Variants in MAP3K7CL observed in about 807,000 individuals in gnomAD.
MAP3K7CL encodes MAP3K7 C-terminal like.
A neutral mutation model predicts 18.6 loss-of-function variants in MAP3K7CL; 16 were observed. That is an observed-to-expected ratio of 0.86 (90% CI 0.58 to 1.31). MAP3K7CL has a LOEUF of 1.31. MAP3K7CL is among the 50% of genes most tolerant of loss of function. The probability of loss-of-function intolerance (pLI) is 0.00; values close to 1 mark genes in which losing one functional copy is unlikely to be tolerated. For synonymous variants in MAP3K7CL, 65 were observed against 66.8 expected (o/e 0.97, Z 0.13); for missense variants, 163 against 174.4 (o/e 0.93, Z 0.37).
At chr21:29,083,312 T>A (rs62222380), upstream of MAP3K7CL, among the ~76,000 whole-genome samples, 96,741 of 151,336 alleles carry the variant, frequency 0.64, 31,629 homozygotes, top group South Asian at 0.76. Context: ...CACATTCCCA[T>A]TTAGATAATT....
chr21:29,165,741 G>T (rs1218077280), intron 4 of MAP3K7CL, among the ~76,000 whole-genome samples: 2 of 151,920 alleles, frequency 1.3e-5, no homozygotes, highest in East Asian at 3.9e-4. Context: ...TGGGCTAATT[G>T]TTATATTTTT....
chr21:29,091,597 C>T lies in MAP3K7CL; in HGVS notation c.133+21C>T, dbSNP rs181650933. On this transcript the variant is annotated intron_variant, in intron 2 of 6. Transcript: ENST00000286791. ...CCCAGGTAATTGTCCCACCTCAGCC[C>T]CTCAAGTAACTGGGACCACAGGCGT... is the stretch of plus-strand genomic sequence containing the variant. 98 of 700,360 alleles carry T rather than the reference C, an allele frequency of 1.4e-4. No individual in the cohort carries two copies. In the African/African-American group the frequency reaches 1.4e-3, roughly 10 times the overall value. The allele number at this position is 700,360 out of a possible 1,614,324, so 43.4% of individuals were successfully genotyped here. A position where few individuals can be genotyped will look rare whatever the true frequency, so the allele number is the denominator to read the frequency against.
At chr21:29,132,804 C>A (rs556194463) in intron 1 of MAP3K7CL, among the ~76,000 whole-genome samples, 2 of 152,236 alleles carry the variant, frequency 1.3e-5, no homozygotes, top group Non-Finnish European at 2.9e-5. Flanking sequence ...GCCACCACAC[C>A]CAGCGACTTT....
At chr21:29,097,290 G>A (rs1318278067) in intron 4 of MAP3K7CL, among the ~76,000 whole-genome samples, 1 of 152,044 alleles carries the variant, frequency 6.6e-6, no homozygotes, top group African/African-American at 2.4e-5. Context: ...GGTAAGTTTA[G>A]TTTTGAAGAA....
At chr21:29,169,495 A>G (rs2087771912) in intron 4 of MAP3K7CL, among the ~76,000 whole-genome samples, 1 of 152,204 alleles carries the variant, frequency 6.6e-6, no homozygotes. Context: ...AGATCCACCA[A>G]CAATACAGTC....
At position 29,114,754 on chromosome 21, in the gene MAP3K7CL, T is replaced by C. The variant is rs1028182235; in HGVS notation, c.370+22173T>C. 2.6e-5 allele frequency among the ~76,000 whole-genome samples: 4 copies of C among 152,104 alleles called. No homozygotes were observed. In the East Asian group the frequency reaches 7.7e-4, roughly 29 times the overall value. ...CCTAAATGACGGCAAATAATAATAA[T>C]AATAAACTCTCAGAGACTGTAGGGT... On this transcript the variant is annotated intron_variant, in intron 4 of 6. Coordinates refer to the MAP3K7CL transcript ENST00000286791.
At chr21:29,151,930 T>A (rs756440586) in intron 3 of MAP3K7CL, among the ~76,000 whole-genome samples, 1 of 152,272 alleles carries the variant, frequency 6.6e-6, no homozygotes, top group African/African-American at 2.4e-5. Context: ...CTATTTCATC[T>A]TCATTGATCT....
intron 4 of MAP3K7CL, among the ~76,000 whole-genome samples, chr21:29,112,454 A>AT (rs200606372): frequency 6.6e-6 from 1 of 152,044 alleles, no homozygotes. Context: ...TTAACCTAGG[A>AT]TTTTTTAAAA....
chr21:29,091,607 C>G (rs1442851492), intron 2 of MAP3K7CL: 1 of 700,702 alleles, frequency 1.4e-6, no homozygotes, highest in Admixed American at 2.0e-5. Flanking sequence ...CCTCAAGTAA[C>G]TGGGACCACA....
chr21:29,154,439 A>G (rs941467523), intron 3 of MAP3K7CL, among the ~76,000 whole-genome samples: 1 of 151,814 alleles, frequency 6.6e-6, no homozygotes, highest in African/African-American at 2.4e-5. Flanking sequence ...ATCCCTCCTT[A>G]AAGTCCTCCT....
intron 2 of MAP3K7CL, among the ~76,000 whole-genome samples, chr21:29,139,118 T>A (rs1175388430): frequency 6.6e-6 from 1 of 152,216 alleles, no homozygotes; most frequent in African/African-American, 2.4e-5. Flanking sequence ...AATATCAGGA[T>A]GTTTTGTGTG....
At chr21:29,159,866 C>T (rs1409034409) in intron 3 of MAP3K7CL, 75 bp from the exon 4 acceptor site, 4 of 1,147,162 alleles carry the variant, frequency 3.5e-6, no homozygotes, top group Non-Finnish European at 5.1e-6. Flanking sequence ...GTTTAAAGAA[C>T]ATCAGCGAGC....
chr21:29,153,248 T>TC lies in MAP3K7CL; in HGVS notation c.132+3998_132+3999insC, dbSNP rs1555877366. ...TGAATATCTCTTTATAATGTTCATT[T>TC]GTGGGCCTTGGGCCTCTGTCCAGGA... On this transcript the variant is annotated intron_variant, in intron 3 of 4. Transcript: ENST00000399928. 2.0e-5 allele frequency among the ~76,000 whole-genome samples: 3 copies of TC among 152,360 alleles called. No individual in the cohort carries two copies. The East Asian group carries it at 5.8e-4, about 29-fold the overall frequency.
At chr21:29,163,843 A>G (rs984280745) in intron 4 of MAP3K7CL, among the ~76,000 whole-genome samples, 3 of 151,948 alleles carry the variant, frequency 2.0e-5, no homozygotes, top group Non-Finnish European at 2.9e-5. Flanking sequence ...CGACAGGTGC[A>G]TGCCAGCATG....
At chr21:29,139,895 CTTTTTTTTTTTTTT>C (rs5843369) in intron 2 of MAP3K7CL, among the ~76,000 whole-genome samples, 32 of 67,366 alleles carry the variant, frequency 4.8e-4, no homozygotes, top group African/African-American at 1.7e-3. Flanking sequence ...CCATCTCTGG[CTTTTTTTTTTTTTT>C]TTTTTTTTTT....
At chr21:29,111,677 A>T (rs984355413) in intron 4 of MAP3K7CL, among the ~76,000 whole-genome samples, 1 of 152,160 alleles carries the variant, frequency 6.6e-6, no homozygotes, top group African/African-American at 2.4e-5. Flanking sequence ...CCAAAGAATG[A>T]AGCCTAACTC....
chr21:29,112,993 A>AG (rs1161877128), intron 4 of MAP3K7CL, among the ~76,000 whole-genome samples: 1 of 152,166 alleles, frequency 6.6e-6, no homozygotes, highest in Non-Finnish European at 1.5e-5. Context: ...TACTTTTAGT[A>AG]GAGACGGGTT....
At chr21:29,125,734 A>G (rs1256989923), upstream of MAP3K7CL, among the ~76,000 whole-genome samples, 2 of 152,208 alleles carry the variant, frequency 1.3e-5, no homozygotes, top group African/African-American at 4.8e-5. Flanking sequence ...TAACAACATT[A>G]CTGCAAGTTA....
chr21:29,092,731 C>A, intron 4 of MAP3K7CL: 2 of 778,494 alleles, frequency 2.6e-6, no homozygotes, highest in Non-Finnish European at 4.0e-6. Flanking sequence ...GCTGGGTGTT[C>A]TTCTATCTCC....
Sources: allele counts gnomAD v4.1 joint callset (sites outside exome capture counted in the v4.1 genomes callset), GRCh38; gene constraint gnomAD v4.1.1; transcripts MANE v1.5; gene names NCBI Gene and HGNC (gene_info 2026-07-23, HGNC 2026-07-21).